The following SLC5A11 variants were observed in gnomAD, a reference collection of about 807,000 sequenced individuals.
SLC5A11 encodes solute carrier family 5 member 11, also known as sodium/myo-inositol cotransporter 2.
In SLC5A11, 48 loss-of-function variants were observed where a neutral mutation model predicts 69.8. The observed-to-expected ratio is 0.69, with a 90% CI of 0.55 to 0.87. The LOEUF is 0.87. Ranked by LOEUF, SLC5A11 falls within the 40% of genes least tolerant of loss-of-function variation. The pLI is 0.00. For missense variants in SLC5A11, 784 were observed against 866.1 expected, an observed-to-expected ratio of 0.91 and a Z score of 1.19; for synonymous variants, 319 against 342.4, an observed-to-expected ratio of 0.93 and a Z score of 0.75.
In SLC5A11 at chr16:24,872,223, A is replaced by G. The variant is rs1447892605; in HGVS notation, c.372+4A>G. The G allele has an allele frequency of 1.4e-5, 22 of 1,613,982 alleles. No homozygotes were observed. In the Admixed American group the frequency reaches 2.0e-4, roughly 15 times the overall value. On this transcript the variant is annotated splice_donor_region_variant and intron_variant, in intron 5 of 15. Transcript: ENST00000347898. ...ACCCATCTACATTGCTGGTCAGGTG[A>G]GTCGGGGGACATTGGGATGCTGTAG...
chr16:24,859,975 T>C (rs1420193371), intron 2 of SLC5A11, among the ~76,000 whole-genome samples: 6 of 147,478 alleles, frequency 4.1e-5, no homozygotes, highest in Non-Finnish European at 7.5e-5. Flanking sequence ...CATGGTGAAA[T>C]CCCATCTTTA....
Position 24,870,065 on chromosome 16 carries a change from G to A in SLC5A11, c.312+60G>A, listed in dbSNP as rs183850243. 832 of 1,242,456 alleles carry A rather than the reference G, an allele frequency of 6.7e-4. 1 individual carries two copies. The African/African-American group carries it at 7.3e-3, about 11-fold the overall frequency. The allele number at this position is 1,242,456 out of a possible 1,614,324, so 77.0% of individuals were successfully genotyped here. On this transcript the variant is annotated intron_variant, in intron 4 of 15. Coordinates refer to ENST00000347898, the Ensembl canonical transcript of SLC5A11. ...ACCTCTACCTAACAGGTAGATCTCA[G>A]GGGAAAGTTGTGTGAATGCCCTGCA...
chr16:24,866,526 C>T (rs1487913935), intron 3 of SLC5A11, among the ~76,000 whole-genome samples: 2 of 150,318 alleles, frequency 1.3e-5, no homozygotes, highest in Non-Finnish European at 2.9e-5. Flanking sequence ...TAGCAGTGAG[C>T]CAAGATCACA....
intron 10 of SLC5A11, 52 bp downstream of exon 11, chr16:24,898,161 G>A (rs746136232): frequency 1.3e-6 from 2 of 1,591,892 alleles, no homozygotes; most frequent in South Asian, 1.1e-5. Flanking sequence ...CTCAGACCAT[G>A]TGAATTATTC....
chr16:24,903,548 A>T (rs1165907791), intron 10 of SLC5A11, among the ~76,000 whole-genome samples: 1 of 151,984 alleles, frequency 6.6e-6, no homozygotes, highest in Non-Finnish European at 1.5e-5. Flanking sequence ...CCTACTGTCT[A>T]CTTCCATGAG....
At chr16:24,909,245 C>A in intron 14 of SLC5A11, 149 bp downstream of exon 15, 1 of 749,670 alleles carries the variant, frequency 1.3e-6, no homozygotes. Flanking sequence ...ATTTGGGACT[C>A]TGAAAAGGTC....
Position 24,885,593 on chromosome 16 carries a change from A to T in SLC5A11, c.664+1462A>T, listed in dbSNP as rs553881197. 5.8e-5 allele frequency among the ~76,000 whole-genome samples: 8 copies of T among 137,966 alleles called. No individual in the cohort carries two copies. In the South Asian group the frequency reaches 1.8e-3, roughly 30 times the overall value. 90.5% of individuals were successfully genotyped at this position (137,966 alleles called of 152,430 possible). On this transcript the variant is annotated intron_variant, in intron 8 of 15. Coordinates refer to ENST00000347898, the Ensembl canonical transcript of SLC5A11. ...AGCCTGGCAGGTTGAGTCTGCGGTG[A>T]GCTGAGATTGTGCCACTGCACTCCG...
At chr16:24,905,882 T>A (rs1405323483) in intron 10 of SLC5A11, among the ~76,000 whole-genome samples, 1 of 152,034 alleles carries the variant, frequency 6.6e-6, no homozygotes, top group Non-Finnish European at 1.5e-5. Flanking sequence ...TTAAATGAGG[T>A]GTATGTACAA....
At chr16:24,848,812 TAATAA>T (rs2059140094) in intron 1 of SLC5A11, among the ~76,000 whole-genome samples, 1 of 151,678 alleles carries the variant, frequency 6.6e-6, no homozygotes, top group African/African-American at 2.4e-5. Flanking sequence ...AAAAATAAAA[TAATAA>T]AATAAAAAGG....
At chr16:24,898,086 T>G in exon 10 of SLC5A11, 1 of 1,614,118 alleles carries the variant, frequency 6.2e-7, no homozygotes, top group Non-Finnish European at 8.5e-7. Flanking sequence ...TTCCCTGGGA[T>G]GGTCAGCCGC....
At chr16:24,891,177 C>T (rs909690566) in intron 9 of SLC5A11, 103 bp downstream of exon 10, 6 of 1,130,420 alleles carry the variant, frequency 5.3e-6, no homozygotes, top group Non-Finnish European at 3.9e-6. Flanking sequence ...CTCTCATTTG[C>T]GTTTTCCCTG....
At chr16:24,898,206 C>A in intron 10 of SLC5A11, 97 bp downstream of exon 11, 1 of 1,425,004 alleles carries the variant, frequency 7.0e-7, no homozygotes, top group Non-Finnish European at 9.5e-7. Context: ...GAGAATGTGA[C>A]TACAGTCCTT....
rs1209040635 is a variant in SLC5A11, at chr16:24,862,718, C to T, written c.207+46C>T. 3 of 1,543,080 alleles carry T rather than the reference C, an allele frequency of 1.9e-6. No individual in the cohort carries two copies. The African/African-American group carries it at 4.1e-5, about 21-fold the overall frequency. On this transcript the variant is annotated intron_variant, in intron 3 of 15. Transcript: ENST00000347898. ...TTAAAGTCACTTCTTAAAGAATCTT[C>T]AAGTGCTGGGATTCTGTCCAGCCTT...
chr16:24,850,868 T>A (rs765548865), intron 1 of SLC5A11, among the ~76,000 whole-genome samples: 1 of 151,900 alleles, frequency 6.6e-6, no homozygotes, highest in Non-Finnish European at 1.5e-5. Flanking sequence ...TAGAGTGCAG[T>A]GGTGAAATTT....
intron 14 of SLC5A11, 69 bp downstream of exon 15, chr16:24,909,165 T>A (rs1597322711): frequency 6.6e-7 from 1 of 1,521,338 alleles, no homozygotes; most frequent in African/African-American, 1.4e-5. Context: ...TGACTCAAAC[T>A]GACTTAAGCG....
chr16:24,852,727 C>A (rs2059364662), intron 1 of SLC5A11, among the ~76,000 whole-genome samples: 2 of 152,194 alleles, frequency 1.3e-5, no homozygotes, highest in African/African-American at 4.8e-5. Context: ...CAAGTCTACG[C>A]TTCTCATTGT....
At chr16:24,876,127 CG>C (rs566392612) in intron 6 of SLC5A11, among the ~76,000 whole-genome samples, 43 of 148,542 alleles carry the variant, frequency 2.9e-4, no homozygotes, top group African/African-American at 1.0e-3. Flanking sequence ...GCCCAGAAGG[CG>C]GGGGTTGCAG....
chr16:24,856,292 C>A (rs749805889), intron 1 of SLC5A11, among the ~76,000 whole-genome samples: 10 of 152,130 alleles, frequency 6.6e-5, no homozygotes, highest in Non-Finnish European at 1.3e-4. Context: ...GAGTCCACAA[C>A]CTACCTTCAG....
chr16:24,894,276 C>T (rs1260267738), intron 9 of SLC5A11, among the ~76,000 whole-genome samples: 1 of 152,184 alleles, frequency 6.6e-6, no homozygotes, highest in Non-Finnish European at 1.5e-5. Context: ...TGCCTGCTCC[C>T]TGGTCACCAT....
Sources: allele counts gnomAD v4.1 joint callset (sites outside exome capture counted in the v4.1 genomes callset), GRCh38; gene constraint gnomAD v4.1.1; transcripts MANE v1.5; gene names NCBI Gene and HGNC (gene_info 2026-07-23, HGNC 2026-07-21).